ESR1: variants seen among roughly 807,000 people sequenced by gnomAD.
ESR1 encodes estrogen receptor.
A neutral mutation model predicts 52.7 loss-of-function variants in ESR1; 12 were observed. The observed-to-expected ratio is 0.23, with a 90% CI of 0.15 to 0.37. The LOEUF is 0.37. Among genes scored for constraint, ESR1 ranks in the 10% least tolerant of loss-of-function variants. The pLI is 1.00. For missense variants in ESR1, 584 were observed against 779.7 expected (o/e 0.75, Z 2.99); for synonymous variants, 305 against 316.8 (o/e 0.96, Z 0.39).
chr6:151,990,963 G>C (rs1391843622), intron 4 of ESR1, among the ~76,000 whole-genome samples: 1 of 151,316 alleles, frequency 6.6e-6, no homozygotes, highest in Non-Finnish European at 1.5e-5. Flanking sequence ...AAATGACAAA[G>C]AAGAATTAAG....
chr6:151,838,998 G>A (rs1343226731), intron 1 of ESR1, among the ~76,000 whole-genome samples: 3 of 152,188 alleles, frequency 2.0e-5, no homozygotes, highest in Admixed American at 1.3e-4. Flanking sequence ...TATCTATATT[G>A]TGGAAACTAT....
At chr6:151,801,300 C>T (rs1052234455), upstream of ESR1, among the ~76,000 whole-genome samples, 1 of 152,148 alleles carries the variant, frequency 6.6e-6, no homozygotes, top group African/African-American at 2.4e-5. Context: ...GTACTTTCTA[C>T]ATTGTCTTCT....
chr6:151,715,291 T>C (rs1780941178), intron 2 of ESR1, among the ~76,000 whole-genome samples: 1 of 152,192 alleles, frequency 6.6e-6, no homozygotes, highest in African/African-American at 2.4e-5. Context: ...ATTTCAACCT[T>C]GGTGAATCTG....
In ESR1 at chr6:152,005,005, T is replaced by C. The variant is rs193103293; in HGVS notation, c.1097-6651T>C. ...TTTCTTACCACTGGTTTTTACTGCA[T>C]AGCGTTTGCCTGAAGAACACCACTT... On this transcript the variant is annotated intron_variant, in intron 4 of 7. Transcript: ENST00000206249. Among the ~76,000 whole-genome samples, 3 of 151,918 alleles carry C rather than the reference T, an allele frequency of 2.0e-5. No homozygotes were observed. In the East Asian group the frequency reaches 5.8e-4, roughly 29 times the overall value.
intron 2 of ESR1, among the ~76,000 whole-genome samples, chr6:151,716,161 C>T (rs903818851): frequency 6.6e-6 from 1 of 152,098 alleles, no homozygotes; most frequent in East Asian, 1.9e-4. Context: ...GGTATGGAGG[C>T]TGCAAAACAG....
chr6:152,122,471 T>A lies in ESR1; in HGVS notation c.851-2795T>A. 2 of 1,614,166 alleles carry A rather than the reference T, an allele frequency of 1.2e-6. 1 individual carries two copies. The highest frequency in any genetic ancestry group is 1.7e-6 in the Non-Finnish European group (2 of 1,180,030). On this transcript the variant is annotated intron_variant, in intron 6 of 6. Coordinates refer to the ESR1 transcript ENST00000427531. ...GGAGGGCCATTCGTGTATCTGAGCA[T>A]GGGGTGGAATGACCGGGCAAAGTTG...
intron 1 of ESR1, among the ~76,000 whole-genome samples, chr6:151,823,922 C>T (rs902987611): frequency 6.6e-6 from 1 of 152,174 alleles, no homozygotes; most frequent in African/African-American, 2.4e-5. Flanking sequence ...TATAGTGCCA[C>T]AATAAACATA....
intron 4 of ESR1, among the ~76,000 whole-genome samples, chr6:151,975,720 A>G (rs1366407083): frequency 6.6e-6 from 1 of 152,218 alleles, no homozygotes; most frequent in Non-Finnish European, 1.5e-5. Flanking sequence ...AACATTAATT[A>G]TATTTAAAAA....
At chr6:152,068,177 C>G (rs111810328) in intron 6 of ESR1, among the ~76,000 whole-genome samples, 86 of 152,346 alleles carry the variant, frequency 5.6e-4, no homozygotes, top group African/African-American at 1.9e-3. Context: ...CACTTGCTTG[C>G]GCTCAGAACT....
Position 151,944,310 on chromosome 6 carries a change from C to T in ESR1, c.898C>T (p.Arg300Cys), listed in dbSNP as rs149490424. Residue 300 changes from arginine (R) to cysteine (C), a missense_variant, in exon 4 of 8, where the codon CGC becomes TGC. By Grantham distance (180) the Arg-to-Cys change is radical. This residue lies in a region of ESR1 where 88 missense variants were observed against 88.3 expected (regional missense o/e 1.00). Transcript: ENST00000206249. ...TTGGCCAAGCCCGCTCATGATCAAA[C>T]GCTCTAAGAAGAACAGCCTGGCCTT... is the stretch of plus-strand genomic sequence containing the variant. ...NLWPSPLMIKRSKKNSLALSL... is the reference protein window; with the variant it reads ...NLWPSPLMIKCSKKNSLALSL... 3.3e-5 allele frequency: 54 copies of T among 1,614,112 alleles called. No individual in the cohort carries two copies. Among genetic ancestry groups the T allele is most frequent in the African/African-American group, 5.3e-5 (4 of 74,994 alleles).
intron 4 of ESR1, among the ~76,000 whole-genome samples, chr6:151,955,534 A>T (rs2036808760): frequency 1.3e-5 from 2 of 152,200 alleles, no homozygotes; most frequent in Non-Finnish European, 2.9e-5. Context: ...TTTAGATTTG[A>T]TTCTTAGATA....
chr6:152,030,673 C>T (rs1019226007), intron 5 of ESR1, among the ~76,000 whole-genome samples: 1 of 152,068 alleles, frequency 6.6e-6, no homozygotes, highest in African/African-American at 2.4e-5. Flanking sequence ...ACTTAGACTC[C>T]CACACAATAA....
chr6:151,745,475 T>A (rs540296125), intron 2 of ESR1, among the ~76,000 whole-genome samples: 1 of 152,346 alleles, frequency 6.6e-6, no homozygotes, highest in East Asian at 1.9e-4. Context: ...TATTTTAGCA[T>A]CATTTGGAAG....
At chr6:152,018,424 A>AT (rs1219647677) in intron 5 of ESR1, among the ~76,000 whole-genome samples, 3 of 146,120 alleles carry the variant, frequency 2.1e-5, no homozygotes, top group South Asian at 2.2e-4. Context: ...TGGAAGAATG[A>AT]TAAAAAAAAA....
intron 1 of ESR1, among the ~76,000 whole-genome samples, chr6:151,833,396 C>T (rs1782764981): frequency 6.6e-6 from 1 of 152,064 alleles, no homozygotes; most frequent in African/African-American, 2.4e-5. Context: ...TTTTCTGGGG[C>T]CCACCATCTA....
intron 2 of ESR1, among the ~76,000 whole-genome samples, chr6:151,714,856 ATG>A (rs1212281781): frequency 6.6e-6 from 1 of 152,026 alleles, no homozygotes; most frequent in Non-Finnish European, 1.5e-5. Flanking sequence ...TAATATTTTT[ATG>A]TGTGAATTTG....
chr6:152,009,178 G>T (rs141291285), intron 4 of ESR1, among the ~76,000 whole-genome samples: 1 of 151,968 alleles, frequency 6.6e-6, no homozygotes, highest in African/African-American at 2.4e-5. Context: ...TATAAACAAA[G>T]CCACCCACTT....
intron 1 of ESR1, among the ~76,000 whole-genome samples, chr6:151,831,553 G>A (rs1782417949): frequency 6.6e-6 from 1 of 152,152 alleles, no homozygotes; most frequent in South Asian, 2.1e-4. Context: ...TGAGCCCTTT[G>A]GGTGGGCTCC....
chr6:152,126,836 T>C (rs1273629714), exon 7 of ESR1: 3 of 152,226 alleles, frequency 2.0e-5, no homozygotes, highest in Non-Finnish European at 2.9e-5. Context: ...ATGACTCACT[T>C]TGAAAATTGT....
Sources: allele counts gnomAD v4.1 joint callset (sites outside exome capture counted in the v4.1 genomes callset), GRCh38; gene constraint gnomAD v4.1.1; regional missense constraint gnomAD v4.1.1; transcripts MANE v1.5; gene names NCBI Gene and HGNC (gene_info 2026-07-23, HGNC 2026-07-21).